The following PKHD1 variants were observed in gnomAD, a reference collection of about 807,000 sequenced individuals.
PKHD1 encodes the protein PKHD1 ciliary IPT domain containing fibrocystin/polyductin.
Under a neutral mutation model 412.0 loss-of-function variants are expected in PKHD1, and 291 were observed. That is an observed-to-expected ratio of 0.71 (90% CI 0.64 to 0.78). PKHD1 has a LOEUF of 0.78. Ranked by LOEUF, PKHD1 falls within the 30% of genes least tolerant of loss-of-function variation. PKHD1 has a pLI of 0.00. For missense variants in PKHD1, 4,825 were observed against 4,950.7 expected, an observed-to-expected ratio of 0.97 and a Z score of 0.76; for synonymous variants, 1,777 against 1,821.5, an observed-to-expected ratio of 0.98 and a Z score of 0.62.
intron 45 of PKHD1, among the ~76,000 whole-genome samples, chr6:51,883,904 C>G (rs7749790): frequency 0.058 from 8,862 of 152,174 alleles, 561 homozygotes; most frequent in African/African-American, 0.15. Context: ...ATCACTTGCT[C>G]CTTCTTTGAC....
In PKHD1 at chr6:51,836,452, C is replaced by T. The variant is rs1769241395; in HGVS notation, c.8125G>A (p.Val2709Ile). The change falls in exon 51 of 67, where the codon GTT (valine) becomes ATT (isoleucine). Residue 2709 changes from valine to isoleucine, a missense_variant. Transcript: ENST00000371117. ...TCCTTCACCCGGAGAATGACTTGAA[C>T]TTGGCCTTCACCTGAAACTAAATAC... ...LTYLVSGEGQ[V>I]QVILRVKEGM... 1 of 1,613,052 alleles carries T rather than the reference C, an allele frequency of 6.2e-7. No homozygotes were observed. The highest frequency in any genetic ancestry group is 8.5e-7 in the Non-Finnish European group (1 of 1,179,052).
At chr6:51,688,681 C>T (rs916067731) in intron 60 of PKHD1, among the ~76,000 whole-genome samples, 1 of 152,036 alleles carries the variant, frequency 6.6e-6, no homozygotes, top group Non-Finnish European at 1.5e-5. Flanking sequence ...GATATACAAA[C>T]AACCATCAGA....
At chr6:51,944,091 TGGCCTG>T (rs1789040594) in intron 36 of PKHD1, among the ~76,000 whole-genome samples, 1 of 152,150 alleles carries the variant, frequency 6.6e-6, no homozygotes, top group South Asian at 2.1e-4. Context: ...GATATTTAAA[TGGCCTG>T]TTCCTGCCTT....
intron 16 of PKHD1, among the ~76,000 whole-genome samples, chr6:52,057,484 C>A (rs1436772031): frequency 6.6e-6 from 1 of 151,942 alleles, no homozygotes; most frequent in Non-Finnish European, 1.5e-5. Context: ...TGGCGTGATG[C>A]CGGCTCACTG....
intron 37 of PKHD1, among the ~76,000 whole-genome samples, chr6:51,924,728 G>C (rs1302402874): frequency 6.6e-6 from 1 of 152,160 alleles, no homozygotes; most frequent in Non-Finnish European, 1.5e-5. Flanking sequence ...CATGATAAGA[G>C]GAATGATAAA....
intron 60 of PKHD1, chr6:51,720,804 C>G (rs1781835767): frequency 6.5e-6 from 1 of 153,094 alleles, no homozygotes; most frequent in Non-Finnish European, 1.4e-5. Flanking sequence ...TACAATTTAT[C>G]TCTTTTTGTT....
At chr6:51,803,998 A>G (rs555043467) in intron 52 of PKHD1, among the ~76,000 whole-genome samples, 1 of 151,592 alleles carries the variant, frequency 6.6e-6, no homozygotes, top group East Asian at 1.9e-4. Flanking sequence ...GTGAGCCACC[A>G]GGTAATGAAA....
At chr6:51,853,418 T>C (rs1024699585) in intron 49 of PKHD1, among the ~76,000 whole-genome samples, 7 of 152,164 alleles carry the variant, frequency 4.6e-5, no homozygotes. Context: ...GGTCTTCTCA[T>C]AGAGTGTCTT....
At position 52,075,805 on chromosome 6, in the gene PKHD1, G is replaced by A. The variant is rs141934239; in HGVS notation, c.448+471C>T. Reference sequence around the variant, plus strand: ...GGTATTTAGTATCTATATGACTTTCGGCAAATTTCTTAACCTTTTGCTACC... The same window carrying A: ...GGTATTTAGTATCTATATGACTTTCAGCAAATTTCTTAACCTTTTGCTACC... On this transcript the variant is annotated intron_variant, in intron 6 of 66. Coordinates refer to ENST00000371117, the MANE Select transcript of PKHD1 (RefSeq NM_138694.4). Among the ~76,000 whole-genome samples, 59 of 152,064 alleles carry A rather than the reference G, an allele frequency of 3.9e-4. No individual in the cohort carries two copies. The East Asian group carries it at 9.3e-3, about 24-fold the overall frequency.
intron 8 of PKHD1, 133 bp downstream of exon 8, chr6:52,071,982 G>C (rs754404008): frequency 5.7e-6 from 4 of 700,264 alleles, no homozygotes; most frequent in Non-Finnish European, 1.0e-5. Flanking sequence ...GTAGTAAATA[G>C]CTATGTGTGA....
At chr6:51,947,469 G>A (rs75484470) in intron 36 of PKHD1, among the ~76,000 whole-genome samples, 1 of 152,130 alleles carries the variant, frequency 6.6e-6, no homozygotes, top group Non-Finnish European at 1.5e-5. Context: ...TCCTTCACCT[G>A]GTATCTAATT....
At chr6:52,080,466 G>C (rs1192880174) in intron 4 of PKHD1, among the ~76,000 whole-genome samples, 1 of 152,204 alleles carries the variant, frequency 6.6e-6, no homozygotes, top group Non-Finnish European at 1.5e-5. Context: ...TCAAAACAGA[G>C]TCTTGGATCT....
At chr6:52,000,944 G>A (rs537130890) in intron 35 of PKHD1, among the ~76,000 whole-genome samples, 1 of 152,092 alleles carries the variant, frequency 6.6e-6, no homozygotes, top group Non-Finnish European at 1.5e-5. Flanking sequence ...GCTGCATTCA[G>A]GCTAATTTCC....
chr6:52,050,736 CCA>C (rs1475355634), intron 21 of PKHD1, among the ~76,000 whole-genome samples: 4 of 152,170 alleles, frequency 2.6e-5, no homozygotes, highest in African/African-American at 4.8e-5. Context: ...GGGTGTTTAT[CCA>C]CAGTGTGGAG....
At chr6:51,872,875 C>CTTTTTT (rs33953182) in intron 46 of PKHD1, among the ~76,000 whole-genome samples, 3 of 81,496 alleles carry the variant, frequency 3.7e-5, no homozygotes, top group East Asian at 3.4e-4. Context: ...CCATCGTTTC[C>CTTTTTT]TTTTTTTTTT....
chr6:51,722,102 C>T, intron 60 of PKHD1: 2 of 1,608,942 alleles, frequency 1.2e-6, no homozygotes, highest in East Asian at 2.2e-5. Context: ...TCTCGGCATG[C>T]TTTCCACATT....
At chr6:51,808,453 A>G (rs1022890748) in intron 52 of PKHD1, among the ~76,000 whole-genome samples, 4 of 152,118 alleles carry the variant, frequency 2.6e-5, no homozygotes, top group Admixed American at 2.6e-4. Context: ...ATTGAAATTA[A>G]AATTAAAAGT....
Position 51,855,981 on chromosome 6 carries a change from G to T in PKHD1, c.7823C>A (p.Ser2608Tyr). The T allele has an allele frequency of 1.9e-6, 3 of 1,611,172 alleles. No homozygotes were observed. The highest frequency in any genetic ancestry group is 2.5e-6 in the Non-Finnish European group (3 of 1,177,276). ...TTVNYVRDTLSNPRGWMALLL... is the reference protein window; with the variant it reads ...TTVNYVRDTLYNPRGWMALLL... ...CAGAGCCATCCAGCCACGAGGGTTAGACAATGTATCACGTACATAATTGAC... is the reference window on the plus strand; with the variant it reads ...CAGAGCCATCCAGCCACGAGGGTTATACAATGTATCACGTACATAATTGAC... Residue 2608 changes from serine to tyrosine, a missense_variant, in exon 49 of 67, where the codon TCT (serine) becomes TAT (tyrosine). Coordinates refer to ENST00000371117, the MANE Select transcript of PKHD1 (RefSeq NM_138694.4).
rs1356764089 is a variant in PKHD1 at position 52,026,140 on chromosome 6, C to A, written c.3670G>T (p.Asp1224Tyr). The A allele has an allele frequency of 6.2e-7, 1 of 1,613,978 alleles. No individual in the cohort carries two copies. The highest frequency in any genetic ancestry group is 1.3e-5 in the African/African-American group (1 of 74,920). Reference sequence around the variant, plus strand: ...ACAAGTACCCAAACCAAAGCTGGGTCCCTGCTGAAGCCTATTCCTGAGATG... The same window carrying A: ...ACAAGTACCCAAACCAAAGCTGGGTACCTGCTGAAGCCTATTCCTGAGATG... ...LSISGIGFSR[D>Y]PALVWVLVGN... Residue 1224 changes from aspartate (D) to tyrosine (Y), a missense_variant, in exon 32 of 67, where the codon GAC (aspartate) becomes TAC (tyrosine). Physicochemically the swap from Asp to Tyr is radical, Grantham distance 160. Transcript: ENST00000371117.
Sources: gnomAD v4.1 joint callset for allele counts (sites outside exome capture counted in the v4.1 genomes callset) on GRCh38, gnomAD v4.1.1 for gene constraint, MANE v1.5 for transcripts, NCBI Gene and HGNC (gene_info 2026-07-23, HGNC 2026-07-21) for gene names.